LUC7L: variants seen among roughly 807,000 people sequenced by gnomAD.
LUC7L encodes LUC7 like, also known as putative RNA-binding protein Luc7-like 1.
In LUC7L, 29 loss-of-function variants were observed where a neutral mutation model predicts 51.1. That is an observed-to-expected ratio of 0.57 (90% CI 0.42 to 0.77). LUC7L has a LOEUF of 0.77. Ranked by LOEUF, LUC7L falls within the 30% of genes least tolerant of loss-of-function variation. LUC7L has a pLI of 0.00. For missense variants in LUC7L, 403 were observed against 511.9 expected (o/e 0.79, Z 2.05); for synonymous variants, 181 against 180.7 (o/e 1.00, Z -0.01).
chr16:214,611 T>C (rs563322393), intron 3 of LUC7L, among the ~76,000 whole-genome samples: 278 of 152,298 alleles, frequency 1.8e-3, no homozygotes, highest in Non-Finnish European at 3.0e-3. Flanking sequence ...ACTTCAGCCT[T>C]GATCCTCCGG....
At chr16:200,391 G>C (rs1355246606) in intron 5 of LUC7L, among the ~76,000 whole-genome samples, 1 of 147,028 alleles carries the variant, frequency 6.8e-6, no homozygotes, top group Admixed American at 6.9e-5. Flanking sequence ...GCCACTGGGC[G>C]AAAGAGCGAG....
rs1596585166 is a variant in LUC7L, at chr16:189,695, G to A, written c.974+273C>T. ...TAAGCAGGGCCTGGTCAGGACACAAGTCTCAGCCACTCTGAGCATGGACGC... is the reference window on the plus strand; with the variant it reads ...TAAGCAGGGCCTGGTCAGGACACAAATCTCAGCCACTCTGAGCATGGACGC... On this transcript the variant is annotated intron_variant, in intron 9 of 9. Coordinates refer to ENST00000293872, the MANE Select transcript of LUC7L (RefSeq NM_201412.3). 3.0e-6 allele frequency: 4 copies of A among 1,351,696 alleles called. No homozygotes were observed. The East Asian group carries it at 1.1e-4, about 36-fold the overall frequency. The allele number at this position is 1,351,696 out of a possible 1,614,324, so 83.7% of individuals were successfully genotyped here.
intron 7 of LUC7L, among the ~76,000 whole-genome samples, chr16:192,192 C>T (rs1363347739): frequency 1.3e-5 from 2 of 152,160 alleles, no homozygotes; most frequent in African/African-American, 4.8e-5. Flanking sequence ...TCAGTTCTAT[C>T]CCAGAACTTT....
In LUC7L at chr16:206,195, A is replaced by G. The variant is rs529488232; in HGVS notation, c.367-48T>C. 310 of 1,577,850 alleles carry G rather than the reference A, an allele frequency of 2.0e-4. 4 individuals carry two copies. The South Asian group carries it at 3.4e-3, about 17-fold the overall frequency. Reference sequence around the variant, plus strand: ...AAGCAGACATCTGAAAATGAAAGTGAATGCAAAGGCAACAAGGGTTTCTCC... The same window carrying G: ...AAGCAGACATCTGAAAATGAAAGTGGATGCAAAGGCAACAAGGGTTTCTCC... On this transcript the variant is annotated intron_variant, in intron 4 of 9. Coordinates refer to ENST00000293872, the MANE Select transcript of LUC7L (RefSeq NM_201412.3).
At position 229,128 on chromosome 16, in the gene LUC7L, G is replaced by A. The variant is rs910142501; in HGVS notation, c.61+151C>T. ...TCAGAGACGCACCGGCTTAGACAAA[G>A]GCCCGGCGCCTGCGGTCGGAGCGCG... is the stretch of plus-strand genomic sequence containing the variant. On this transcript the variant is annotated intron_variant, in intron 1 of 9. Transcript: ENST00000293872. 9 of 1,405,466 alleles carry A rather than the reference G, an allele frequency of 6.4e-6. No individual in the cohort carries two copies. The African/African-American group carries it at 9.2e-5, about 14-fold the overall frequency. 87.1% of individuals were successfully genotyped at this position (1,405,466 alleles called of 1,614,324 possible).
chr16:189,581 G>A (rs2048954331), intron 9 of LUC7L: 5 of 1,372,518 alleles, frequency 3.6e-6, no homozygotes, highest in Admixed American at 3.1e-5. Context: ...ACAGTGCAAA[G>A]GAGAATACAA....
At chr16:193,438 C>T (rs954865912) in intron 6 of LUC7L, among the ~76,000 whole-genome samples, 1 of 152,102 alleles carries the variant, frequency 6.6e-6, no homozygotes, top group Non-Finnish European at 1.5e-5. Flanking sequence ...AGCCACCGCG[C>T]CCGGCCAACA....
At chr16:189,701 G>A in intron 9 of LUC7L, 1 of 1,354,382 alleles carries the variant, frequency 7.4e-7, no homozygotes, top group Non-Finnish European at 9.5e-7. Context: ...ACAAGTCTCA[G>A]CCACTCTGAG....
intron 1 of LUC7L, chr16:229,012 G>T: frequency 6.9e-7 from 1 of 1,451,642 alleles, no homozygotes; most frequent in Non-Finnish European, 9.1e-7. Flanking sequence ...CGCCGGGGAG[G>T]AAGTAGCAGG....
intron 3 of LUC7L, chr16:208,607 T>C: frequency 2.0e-6 from 2 of 997,600 alleles, no homozygotes; most frequent in Non-Finnish European, 2.4e-6. Context: ...TCACTGGTCT[T>C]TGTGAGCCAC....
intron 3 of LUC7L, among the ~76,000 whole-genome samples, chr16:217,386 T>C (rs935214311): frequency 3.3e-5 from 5 of 152,002 alleles, no homozygotes; most frequent in African/African-American, 9.7e-5. Context: ...CCCCCAAATA[T>C]ATACACCTAT....
intron 2 of LUC7L, among the ~76,000 whole-genome samples, chr16:223,570 A>C (rs2050037488): frequency 2.0e-5 from 3 of 152,184 alleles, no homozygotes; most frequent in Admixed American, 2.0e-4. Flanking sequence ...TCGGTTACAT[A>C]GAAGACTTAG....
chr16:189,768 G>A, intron 9 of LUC7L, 200 bp downstream of exon 9: 2 of 1,411,912 alleles, frequency 1.4e-6, no homozygotes, highest in Non-Finnish European at 1.8e-6. Flanking sequence ...TGCCTGTGCA[G>A]CCCATCACCT....
At chr16:193,772 C>T (rs950607340) in intron 6 of LUC7L, among the ~76,000 whole-genome samples, 8 of 151,368 alleles carry the variant, frequency 5.3e-5, no homozygotes, top group East Asian at 1.9e-4. Flanking sequence ...CAATTACAGG[C>T]GTGAGGCACT....
intron 5 of LUC7L, 92 bp downstream of exon 5, chr16:205,912 A>G: frequency 6.9e-7 from 1 of 1,456,310 alleles, no homozygotes; most frequent in Non-Finnish European, 9.3e-7. Context: ...TTTTTTAAAA[A>G]ATGGGAGCAA....
At position 189,207 on chromosome 16, in the gene LUC7L, G is replaced by A. The variant is rs1228740436; in HGVS notation, c.1107C>T (p.Gly369=). The A allele has an allele frequency of 8.7e-6, 14 of 1,613,036 alleles. No homozygotes were observed. The highest frequency in any genetic ancestry group is 1.3e-5 in the African/African-American group (1 of 74,896). The part of the protein sequence containing the change: ...ASRRSEEKEA[G]EI ...CACCCGGGAGACGGGTTCAGATCTCGCCGGCCTCCTTCTCTTCTGACCTCC... is the reference window on the plus strand; with the variant it reads ...CACCCGGGAGACGGGTTCAGATCTCACCGGCCTCCTTCTCTTCTGACCTCC... The change falls in exon 10 of 10, where the codon GGC becomes GGT. Residue 369 remains glycine, a synonymous_variant. Transcript: ENST00000293872.
intron 3 of LUC7L, chr16:209,423 G>A (rs1306579742): frequency 6.7e-6 from 1 of 149,164 alleles, no homozygotes; most frequent in African/African-American, 2.5e-5. Context: ...CTGGGAGGAA[G>A]AGGTTGCAGT....
intron 6 of LUC7L, among the ~76,000 whole-genome samples, chr16:197,471 G>A (rs7189975): frequency 0.17 from 26,532 of 152,046 alleles, 4,579 homozygotes; most frequent in African/African-American, 0.45. Context: ...TCGGCCTCCC[G>A]AAGTTTGGGA....
intron 3 of LUC7L, among the ~76,000 whole-genome samples, chr16:212,286 T>A (rs565343538): frequency 1.3e-5 from 2 of 151,854 alleles, no homozygotes; most frequent in Non-Finnish European, 2.9e-5. Context: ...AGAGCGAAAC[T>A]CCATCTCAAA....
Sources: allele counts gnomAD v4.1 joint callset (sites outside exome capture counted in the v4.1 genomes callset), GRCh38; gene constraint gnomAD v4.1.1; transcripts MANE v1.5; gene names NCBI Gene and HGNC (gene_info 2026-07-23, HGNC 2026-07-21).